The following CRIP2 variants were observed in gnomAD, a reference collection of about 807,000 sequenced individuals.
CRIP2 encodes the protein cysteine-rich protein 2.
Under a neutral mutation model 31.3 loss-of-function variants are expected in CRIP2, and 31 were observed. The ratio of observed to expected loss-of-function variants is 0.99; its 90% CI spans 0.74 to 1.34. The LOEUF (loss-of-function observed/expected upper bound fraction) is 1.34, where lower values mean the gene tolerates loss of function less well. Among genes scored for constraint, CRIP2 ranks in the 40% most tolerant of loss-of-function variants. The probability of loss-of-function intolerance (pLI) is 0.00; values close to 1 mark genes in which losing one functional copy is unlikely to be tolerated. For missense variants in CRIP2, 389 were observed against 301.6 expected (o/e 1.29, Z -2.15); for synonymous variants, 177 against 127.2 (o/e 1.39, Z -2.63).
At chr14:105,475,596 G>A (rs117183866) in intron 1 of CRIP2, among the ~76,000 whole-genome samples, 473 of 152,358 alleles carry the variant, frequency 3.1e-3, no homozygotes, top group Non-Finnish European at 4.9e-3. Context: ...CAGCCCAGGT[G>A]TCCAGGATCC....
chr14:105,476,346 G>T, intron 1 of CRIP2: 1 of 985,500 alleles, frequency 1.0e-6, no homozygotes, highest in East Asian at 1.1e-4. Flanking sequence ...TCCTGCCTGG[G>T]AGGCACTGTG....
upstream of CRIP2, among the ~76,000 whole-genome samples, chr14:105,473,994 C>A (rs2083883107): frequency 6.6e-6 from 1 of 152,238 alleles, no homozygotes; most frequent in South Asian, 2.1e-4. Flanking sequence ...CTCACCGCCT[C>A]CCCGGCCGCC....
chr14:105,478,785 G>A lies in CRIP2; in HGVS notation c.251G>A (p.Gly84Glu). 2 of 1,433,224 alleles carry A rather than the reference G, an allele frequency of 1.4e-6. No homozygotes were observed. Among genetic ancestry groups the A allele is most frequent in the Non-Finnish European group, 1.8e-6 (2 of 1,100,790 alleles). The allele number at this position is 1,433,224 out of a possible 1,614,324, so 88.8% of individuals were successfully genotyped here. A position where few individuals can be genotyped will look rare whatever the true frequency, so the allele number is the denominator to read the frequency against. The change falls in exon 4 of 8, where the codon GGG (glycine) becomes GAG (glutamate). Residue 84 changes from glycine to glutamate, a missense_variant. Coordinates refer to ENST00000329146, the MANE Select transcript of CRIP2 (RefSeq NM_001312.4). This position sits in a 1 kb window ranked among gnomAD's most constrained non-coding sequence, Gnocchi z 4.9. ...ATCTACGAGAAGCCCCTGGCGGAGG[G>A]GCCGCAGGTCACCGGCCCCATCGAG... ...SYIYEKPLAE[G>E]PQVTGPIEVP... is the part of the protein sequence containing the mutation.
rs368608563 is a variant in CRIP2, at chr14:105,479,444, C to G, written c.510C>G (p.Gly170=). Residue 170 remains glycine (G), a synonymous_variant, in exon 7 of 8, where the codon GGC becomes GGG. Coordinates refer to ENST00000329146, the MANE Select transcript of CRIP2 (RefSeq NM_001312.4). ...LTPGGHAEHD[G]QPYCHKPCYG... ...CCCACCTTCTGCCCCAGCACGACGG[C>G]CAGCCCTACTGCCACAAGCCCTGCT... 2.0e-5 allele frequency: 33 copies of G among 1,612,832 alleles called. No individual in the cohort carries two copies. Among genetic ancestry groups the G allele is most frequent in the Non-Finnish European group, 2.5e-5 (29 of 1,179,968 alleles).
intron 1 of CRIP2, chr14:105,476,055 TG>T (rs1555435754): frequency 2.0e-6 from 2 of 985,490 alleles, no homozygotes; most frequent in Non-Finnish European, 1.2e-6. Context: ...CTGGCGTGGC[TG>T]GGAGCCGAGG....
intron 1 of CRIP2, chr14:105,475,488 C>T (rs1331744710): frequency 1.3e-5 from 2 of 152,410 alleles, no homozygotes; most frequent in African/African-American, 4.8e-5. Context: ...GACGCATTCC[C>T]TTGGCGCCAG....
At chr14:105,473,630 ACGCTCAG>A (rs2083878294), upstream of CRIP2, 1 of 1,299,176 alleles carries the variant, frequency 7.7e-7, no homozygotes, top group South Asian at 1.5e-5. Flanking sequence ...TCCCAGGCCG[ACGCTCAG>A]CTGGGGCCAG....
Position 105,478,888 on chromosome 14 carries a change from C to G in CRIP2, c.337+17C>G, listed in dbSNP as rs1189741549. 6.9e-7 allele frequency: 1 copy of G among 1,450,610 alleles called. No homozygotes were observed. Among genetic ancestry groups the G allele is most frequent in the East Asian group, 2.6e-5 (1 of 37,980 alleles). 89.9% of individuals were successfully genotyped at this position (1,450,610 alleles called of 1,614,324 possible). On this transcript the variant is annotated intron_variant, in intron 4 of 7. Transcript: ENST00000329146. The surrounding 1 kb of genome is among the most constrained non-coding windows in gnomAD (Gnocchi z 4.9). ...CCAGCAGAGGTGGGCTGGGCGCGGG[C>G]TGGGGCTGGGGGTTGTGGGCACGCG...
chr14:105,473,646 A>G, upstream of CRIP2: 1 of 1,201,108 alleles, frequency 8.3e-7, no homozygotes, highest in Non-Finnish European at 1.1e-6. Context: ...AGCTGGGGCC[A>G]GAAGGCTCAG....
intron 1 of CRIP2, chr14:105,475,740 G>A (rs868935673): frequency 1.2e-6 from 1 of 842,808 alleles, no homozygotes; most frequent in African/African-American, 1.8e-5. Flanking sequence ...TCACTCTCTG[G>A]GCCTGGGTGC....
chr14:105,478,755 C>G lies in CRIP2; in HGVS notation c.221C>G (p.Ser74Cys). The G allele has an allele frequency of 7.0e-7, 1 of 1,432,220 alleles. No homozygotes were observed. The highest frequency in any genetic ancestry group is 9.1e-7 in the Non-Finnish European group (1 of 1,098,556). The allele number at this position is 1,432,220 out of a possible 1,614,324, so 88.7% of individuals were successfully genotyped here. A position where few individuals can be genotyped will look rare whatever the true frequency, so the allele number is the denominator to read the frequency against. The change falls in exon 4 of 8, where the codon TCC becomes TGC. Residue 74 changes from serine (S) to cysteine (C), a missense_variant. Physicochemically the swap from Ser to Cys is moderately radical, Grantham distance 112. Coordinates refer to ENST00000329146, the MANE Select transcript of CRIP2 (RefSeq NM_001312.4). This position sits in a 1 kb window ranked among gnomAD's most constrained non-coding sequence, Gnocchi z 4.9. ...PKGVNIGGAG[S>C]YIYEKPLAEG... ...GGCGTGAACATCGGGGGCGCGGGCTCCTACATCTACGAGAAGCCCCTGGCG... is the reference window on the plus strand; with the variant it reads ...GGCGTGAACATCGGGGGCGCGGGCTGCTACATCTACGAGAAGCCCCTGGCG...
At chr14:105,473,296 G>A (rs1170351004), upstream of CRIP2, 14 of 1,532,852 alleles carry the variant, frequency 9.1e-6, no homozygotes, top group Non-Finnish European at 1.2e-5. Flanking sequence ...CCCAAGTGCA[G>A]AGGGGGAGCT....
At chr14:105,479,068 C>G in intron 5 of CRIP2, 21 bp downstream of exon 5, 3 of 1,567,616 alleles carry the variant, frequency 1.9e-6, no homozygotes, top group Non-Finnish European at 2.6e-6. Context: ...GCCCGGGCCC[C>G]GGACCCCCGC....
intron 6 of CRIP2, 91 bp from the exon 7 acceptor site, chr14:105,479,345 C>A (rs1301656847): frequency 5.1e-6 from 8 of 1,571,744 alleles, no homozygotes; most frequent in Admixed American, 1.7e-5. Context: ...CTCTCCCCCA[C>A]GGCGAGCCGG....
At chr14:105,473,237 G>T (rs1555435117), upstream of CRIP2, 4 of 1,529,864 alleles carry the variant, frequency 2.6e-6, no homozygotes, top group Admixed American at 3.9e-5. Flanking sequence ...GCCCAGAAAA[G>T]GTACTGACTG....
At position 105,479,585 on chromosome 14, in the gene CRIP2, G is replaced by GGAGT; in HGVS notation, c.562_565dup (p.Asn189SerfsTer12). On this transcript the variant is annotated frameshift_variant and splice_region_variant. Transcript: ENST00000329146. LOFTEE classifies it high-confidence loss of function. ...CCCACCCCAGCGGCCTCCCTCCACA[G>GGAGT]GAGTGAACACCGGTGCGGTGGGCAG... The GGAGT allele has an allele frequency of 6.2e-7, 1 of 1,612,824 alleles. No individual in the cohort carries two copies.
At chr14:105,476,106 GTC>G (rs1358456181) in intron 1 of CRIP2, 2 of 985,558 alleles carry the variant, frequency 2.0e-6, no homozygotes, top group South Asian at 4.7e-5. Context: ...TCAGCCCTCA[GTC>G]TCTGTCCCAG....
chr14:105,479,153 T>C lies in CRIP2; in HGVS notation c.435T>C (p.Asp145=), dbSNP rs587594041. The C allele has an allele frequency of 9.1e-5, 147 of 1,611,588 alleles. 3 individuals are homozygous for C. In the Middle Eastern group the frequency reaches 2.2e-3, roughly 24 times the overall value. Residue 145 remains aspartate (D), a synonymous_variant, in exon 6 of 8, where the codon GAT becomes GAC. Transcript: ENST00000329146. ...AGAAGGTGACGTCTCTGGGCAAGGA[T>C]TGGCACCGGCCCTGCCTGCGCTGCG... ...FAEKVTSLGK[D]WHRPCLRCER... is the part of the protein sequence containing the mutation.
rs1555436446 is a variant in CRIP2 at position 105,478,529 on chromosome 14, C to A, written c.196+22C>A. 11 of 1,602,926 alleles carry A rather than the reference C, an allele frequency of 6.9e-6. No homozygotes were observed. The highest frequency in any genetic ancestry group is 8.5e-6 in the Non-Finnish European group (10 of 1,176,402). On this transcript the variant is annotated intron_variant, in intron 3 of 7. Transcript: ENST00000329146. The surrounding 1 kb of genome is among the most constrained non-coding windows in gnomAD (Gnocchi z 4.9). Reference sequence around the variant, plus strand: ...AAAGGTGAGCTCCGGCTGCCCTCGGCCTGCCCTGGGACCTGCTGGGAGGGG... The same window carrying A: ...AAAGGTGAGCTCCGGCTGCCCTCGGACTGCCCTGGGACCTGCTGGGAGGGG...
Sources: gnomAD v4.1 joint callset for allele counts (sites outside exome capture counted in the v4.1 genomes callset) on GRCh38, gnomAD v4.1.1 for gene constraint, Gnocchi (gnomAD v3.1) non-coding constraint, MANE v1.5 for transcripts, NCBI Gene and HGNC (gene_info 2026-07-23, HGNC 2026-07-21) for gene names.